EPHA6: variants seen among roughly 807,000 people sequenced by gnomAD.
The protein encoded by EPHA6 is ephrin type-A receptor 6.
A neutral mutation model predicts 112.0 loss-of-function variants in EPHA6; 50 were observed. That is an observed-to-expected ratio of 0.45 (90% CI 0.36 to 0.56). The LOEUF (loss-of-function observed/expected upper bound fraction) is 0.56. EPHA6 is among the 20% of genes least tolerant of loss of function. EPHA6 has a pLI of 0.00. For synonymous variants in EPHA6, 529 were observed against 490.7 expected, an observed-to-expected ratio of 1.08 and a Z score of -1.03; for missense variants, 1,280 against 1,417.4, an observed-to-expected ratio of 0.90 and a Z score of 1.56.
intron 11 of EPHA6, among the ~76,000 whole-genome samples, chr3:97,567,407 T>C (rs188048666): frequency 3.0e-4 from 45 of 152,278 alleles, no homozygotes; most frequent in Admixed American, 1.8e-3. Context: ...ATGTTATCTA[T>C]AAAATGGGCT....
chr3:97,660,582 A>T (rs1286400111), intron 14 of EPHA6, among the ~76,000 whole-genome samples: 1 of 152,072 alleles, frequency 6.6e-6, no homozygotes, highest in Non-Finnish European at 1.5e-5. Context: ...TTCTGACAGA[A>T]ATATGCCTCA....
At chr3:97,638,109 T>A in intron 14 of EPHA6, 27 bp downstream of exon 14, 1 of 1,521,716 alleles carries the variant, frequency 6.6e-7, no homozygotes, top group Non-Finnish European at 9.1e-7. Context: ...TTTCCTAATA[T>A]AGTCTGTTTA....
chr3:97,372,273 T>G (rs2085101590), intron 5 of EPHA6, among the ~76,000 whole-genome samples: 1 of 152,138 alleles, frequency 6.6e-6, no homozygotes. Context: ...TTTCTTAGAC[T>G]GGCTGACACT....
rs377560129 is a variant in EPHA6 at position 97,660,869 on chromosome 3, T to A, written c.2784+22787T>A. ...AAATGACATCCTAATATTAAATCCC[T>A]ATTTCTTCTAATTAAAATTAGTAAA... On this transcript the variant is annotated intron_variant, in intron 14 of 17. Transcript: ENST00000389672. Among the ~76,000 whole-genome samples, 33 of 152,302 alleles carry A rather than the reference T, an allele frequency of 2.2e-4. No homozygotes were observed. In the South Asian group the frequency reaches 2.7e-3, roughly 12 times the overall value.
intron 5 of EPHA6, among the ~76,000 whole-genome samples, chr3:97,263,779 A>G (rs1201843974): frequency 4.6e-5 from 7 of 152,156 alleles, no homozygotes; most frequent in Admixed American, 3.9e-4. Flanking sequence ...GCGTTGTTAG[A>G]GAGGAAAGTA....
chr3:97,296,245 C>A (rs2108700120), intron 5 of EPHA6, among the ~76,000 whole-genome samples: 1 of 152,192 alleles, frequency 6.6e-6, no homozygotes, highest in Non-Finnish European at 1.5e-5. Flanking sequence ...AGCAGCAAAC[C>A]AGGTAGGCCT....
At chr3:96,955,104 A>G (rs573512972) in intron 2 of EPHA6, among the ~76,000 whole-genome samples, 1 of 152,274 alleles carries the variant, frequency 6.6e-6, no homozygotes, top group African/African-American at 2.4e-5. Flanking sequence ...TGTCTCTAAT[A>G]TTTCACTGAG....
intron 5 of EPHA6, among the ~76,000 whole-genome samples, chr3:97,273,743 G>A (rs995985393): frequency 6.6e-6 from 1 of 152,142 alleles, no homozygotes; most frequent in Non-Finnish European, 1.5e-5. Flanking sequence ...ACTAATAAAG[G>A]CTGGTCTGCT....
Position 97,559,697 on chromosome 3 carries a change from T to C in EPHA6, c.2386+27154T>C, listed in dbSNP as rs1244174051. On this transcript the variant is annotated intron_variant, in intron 11 of 17. Transcript: ENST00000389672. ...AGCAATAGAGCTAATGTGTATGCTG[T>C]CACACAAGAGTGAAGCTTCCTTATT... is the stretch of plus-strand genomic sequence containing the variant. The C allele has an allele frequency of 6.7e-6, 3 of 445,034 alleles. No individual in the cohort carries two copies. The Admixed American group carries it at 7.6e-5, about 11-fold the overall frequency. The allele number at this position is 445,034 out of a possible 1,614,324, so 27.6% of individuals were successfully genotyped here. A position where few individuals can be genotyped will look rare whatever the true frequency, so the allele number is the denominator to read the frequency against.
chr3:96,956,124 A>G (rs997248168), intron 2 of EPHA6, among the ~76,000 whole-genome samples: 3 of 152,190 alleles, frequency 2.0e-5, no homozygotes, highest in African/African-American at 7.2e-5. Context: ...ATGAGACGAA[A>G]TTTTAGAGCA....
At chr3:96,918,930 CTG>C (rs1389148499) in intron 2 of EPHA6, among the ~76,000 whole-genome samples, 1 of 151,904 alleles carries the variant, frequency 6.6e-6, no homozygotes, top group Admixed American at 6.6e-5. Flanking sequence ...ATCACTGACA[CTG>C]TAATATTTTA....
At position 97,177,325 on chromosome 3, in the gene EPHA6, G is replaced by A. The variant is rs576401313; in HGVS notation, c.1115-48939G>A. Among the ~76,000 whole-genome samples, 116 of 151,976 alleles carry A rather than the reference G, an allele frequency of 7.6e-4. No homozygotes were observed. In the Middle Eastern group the frequency reaches 0.014, roughly 18 times the overall value. ...GCCTATCCTTGAGAATGATCCATCT[G>A]CTGAGGAAAAGAATCTGTATTCTGA... On this transcript the variant is annotated intron_variant, in intron 3 of 17. Coordinates refer to ENST00000389672, the MANE Select transcript of EPHA6 (RefSeq NM_001080448.3).
intron 8 of EPHA6, 39 bp from the exon 9 acceptor site, chr3:97,479,255 C>G (rs1166093994): frequency 6.4e-6 from 9 of 1,405,712 alleles, no homozygotes; most frequent in Non-Finnish European, 7.7e-6. Flanking sequence ...ATGCATCATA[C>G]TTCTTAAAAC....
At chr3:97,174,857 C>G (rs1475677015) in intron 3 of EPHA6, among the ~76,000 whole-genome samples, 1 of 151,802 alleles carries the variant, frequency 6.6e-6, no homozygotes. Context: ...TGTCTATTCA[C>G]TTTGTTGATT....
At chr3:97,559,619 C>T (rs2093160951) in intron 11 of EPHA6, 1 of 455,516 alleles carries the variant, frequency 2.2e-6, no homozygotes. Context: ...CATATATCCT[C>T]AGGGCAAAAG....
At chr3:97,053,732 T>TCA (rs2045760820) in intron 3 of EPHA6, among the ~76,000 whole-genome samples, 1 of 152,094 alleles carries the variant, frequency 6.6e-6, no homozygotes. Flanking sequence ...ATAATGTAGT[T>TCA]TAAGCAGACA....
intron 2 of EPHA6, among the ~76,000 whole-genome samples, chr3:96,970,509 C>A (rs1456787655): frequency 1.3e-5 from 2 of 152,034 alleles, no homozygotes; most frequent in African/African-American, 4.8e-5. Flanking sequence ...CATCTCATGT[C>A]ATATATAGAA....
In EPHA6 at chr3:97,281,504, A is replaced by G. The variant is rs539860439; in HGVS notation, c.1606+37217A>G. Among the ~76,000 whole-genome samples, 36 of 152,240 alleles carry G rather than the reference A, an allele frequency of 2.4e-4. No individual in the cohort carries two copies. In the East Asian group the frequency reaches 6.4e-3, roughly 27 times the overall value. On this transcript the variant is annotated intron_variant, in intron 5 of 17. Transcript: ENST00000389672. ...CTCAGTCTCCTAATCAAGTGTGCCT[A>G]TTACACTAAAGAGTCTCTCACTGTG...
At chr3:97,190,299 G>C (rs780241840) in intron 3 of EPHA6, among the ~76,000 whole-genome samples, 1 of 152,098 alleles carries the variant, frequency 6.6e-6, no homozygotes, top group Non-Finnish European at 1.5e-5. Context: ...TTTGCATGAA[G>C]ACTTTATCTT....
Sources: allele counts gnomAD v4.1 joint callset (sites outside exome capture counted in the v4.1 genomes callset), GRCh38; gene constraint gnomAD v4.1.1; transcripts MANE v1.5; gene names NCBI Gene and HGNC (gene_info 2026-07-23, HGNC 2026-07-21).